Variants in FGD4 observed in about 807,000 individuals in gnomAD.
FGD4 encodes FYVE, RhoGEF and PH domain-containing protein 4.
In FGD4, 42 loss-of-function variants were observed where a neutral mutation model predicts 102.0. The ratio of observed to expected loss-of-function variants is 0.41; its 90% CI spans 0.32 to 0.53. FGD4 has a LOEUF of 0.53. Among genes scored for constraint, FGD4 ranks in the 20% least tolerant of loss-of-function variants. The pLI is 0.21. For synonymous variants in FGD4, 380 were observed against 375.7 expected, an observed-to-expected ratio of 1.01 and a Z score of -0.13; for missense variants, 902 against 1,078.2, an observed-to-expected ratio of 0.84 and a Z score of 2.29.
chr12:32,566,814 C>T (rs960101118), intron 2 of FGD4, among the ~76,000 whole-genome samples: 1 of 152,204 alleles, frequency 6.6e-6, no homozygotes, highest in Non-Finnish European at 1.5e-5. Flanking sequence ...ACCCCCGACA[C>T]CTTTGTTCCT....
chr12:32,402,401 A>AAGAGAGGGAGAGGGAGAGAGAGAG (rs1319820242), intron 1 of FGD4, among the ~76,000 whole-genome samples: 1 of 151,740 alleles, frequency 6.6e-6, no homozygotes, highest in Non-Finnish European at 1.5e-5. Context: ...CTGTCTCAAA[A>AAGAGAGGGAGAGGGAGAGAGAGAG]AGAGAGGGAG....
intron 11 of FGD4, among the ~76,000 whole-genome samples, chr12:32,622,322 A>C (rs1237906571): frequency 6.6e-6 from 1 of 152,214 alleles, no homozygotes; most frequent in African/African-American, 2.4e-5. Context: ...CAGGTTTCTT[A>C]GTTTGCCTGA....
chr12:32,456,056 T>C (rs1346364614), intron 1 of FGD4, among the ~76,000 whole-genome samples: 1 of 152,194 alleles, frequency 6.6e-6, no homozygotes, highest in Admixed American at 6.5e-5. Flanking sequence ...CCTGCAAGCA[T>C]TACTGTCATT....
rs944572306 is a variant in FGD4, at chr12:32,399,633, C to T, written c.-161C>T. The T allele has an allele frequency of 2.4e-5, 33 of 1,403,760 alleles. No homozygotes were observed. The East Asian group carries it at 9.5e-4, about 40-fold the overall frequency. 87.0% of individuals were successfully genotyped at this position (1,403,760 alleles called of 1,614,324 possible). On this transcript the variant is annotated 5_prime_UTR_variant, in exon 1 of 17. Coordinates refer to ENST00000534526, the MANE Select transcript of FGD4 (RefSeq NM_001370298.3). ...GCCGCGACGCCGGGAGGGAGCGTAC[C>T]GGGAAGGAGAGGGAGAGGAGGCACT... is the stretch of plus-strand genomic sequence containing the variant.
At chr12:32,404,703 T>C (rs1349972323) in intron 1 of FGD4, among the ~76,000 whole-genome samples, 1 of 152,136 alleles carries the variant, frequency 6.6e-6, no homozygotes, top group East Asian at 1.9e-4. Flanking sequence ...TAATGTTATT[T>C]GTAACATTAA....
intron 2 of FGD4, 100 bp downstream of exon 2, chr12:32,564,389 A>G: frequency 7.1e-7 from 1 of 1,405,356 alleles, no homozygotes; most frequent in Non-Finnish European, 9.4e-7. Flanking sequence ...TTAAGCTAGA[A>G]GGAAGGAATT....
intron 1 of FGD4, among the ~76,000 whole-genome samples, chr12:32,449,742 T>A (rs936054198): frequency 1.3e-5 from 2 of 152,000 alleles, no homozygotes; most frequent in Non-Finnish European, 2.9e-5. Flanking sequence ...GTTTCATTTC[T>A]TTTCTTTTCT....
intron 1 of FGD4, among the ~76,000 whole-genome samples, chr12:32,439,248 A>G (rs1353280941): frequency 6.6e-6 from 1 of 152,226 alleles, no homozygotes; most frequent in African/African-American, 2.4e-5. Context: ...CTGGCTTATA[A>G]CATAATGCTG....
At chr12:32,600,592 C>CTTTTTTTTTTT (rs1181093585) in intron 5 of FGD4, 51 of 200,800 alleles carry the variant, frequency 2.5e-4, no homozygotes, top group Non-Finnish European at 3.2e-4. Context: ...TTCTTTCTTT[C>CTTTTTTTTTTT]TTTTTTTTTT....
intron 1 of FGD4, among the ~76,000 whole-genome samples, chr12:32,402,368 A>C (rs897810810): frequency 3.3e-5 from 5 of 151,596 alleles, no homozygotes; most frequent in Admixed American, 3.3e-4. Context: ...ACTGTATTCC[A>C]GCCTGGGCAA....
intron 1 of FGD4, among the ~76,000 whole-genome samples, chr12:32,537,879 A>G (rs906111484): frequency 1.3e-5 from 2 of 152,036 alleles, no homozygotes; most frequent in African/African-American, 4.8e-5. Flanking sequence ...TACTTTCGTT[A>G]TAGCAGTTTT....
chr12:32,642,582 C>T lies in FGD4; in HGVS notation c.*2049C>T, dbSNP rs1210013384. ...ACATGGACACACTTAAGTTTTGGCT[C>T]AATAAATATCAATGTTATTTAACTT... On this transcript the variant is annotated 3_prime_UTR_variant, in exon 17 of 17. Transcript: ENST00000534526. 2 of 151,996 alleles carry T rather than the reference C, an allele frequency of 1.3e-5. No individual in the cohort carries two copies. The highest frequency in any genetic ancestry group is 2.9e-5 in the Non-Finnish European group (2 of 67,924). The allele number at this position is 151,996 out of a possible 1,614,324, so 9.4% of individuals were successfully genotyped here.
intron 1 of FGD4, among the ~76,000 whole-genome samples, chr12:32,559,794 G>A (rs1332239909): frequency 2.0e-5 from 3 of 152,122 alleles, no homozygotes; most frequent in African/African-American, 7.2e-5. Context: ...TAAATAGACT[G>A]TCAAACATTT....
chr12:32,519,122 A>AGG (rs1565795239), intron 1 of FGD4, among the ~76,000 whole-genome samples: 4 of 146,938 alleles, frequency 2.7e-5, no homozygotes, highest in Non-Finnish European at 6.0e-5. Flanking sequence ...GTCTCAGGAA[A>AGG]AAAAAAAAAA....
At chr12:32,400,273 T>C (rs1940600215) in intron 1 of FGD4, among the ~76,000 whole-genome samples, 1 of 152,232 alleles carries the variant, frequency 6.6e-6, no homozygotes, top group African/African-American at 2.4e-5. Context: ...ACCAGTTTTC[T>C]AGCTACTGAA....
At chr12:32,514,762 A>G (rs573247795) in intron 1 of FGD4, among the ~76,000 whole-genome samples, 65 of 152,330 alleles carry the variant, frequency 4.3e-4, no homozygotes, top group African/African-American at 1.4e-3. Context: ...TAAAGTTGAC[A>G]TCTCAAATCA....
At chr12:32,500,924 G>A (rs868594139) in intron 1 of FGD4, among the ~76,000 whole-genome samples, 7 of 152,192 alleles carry the variant, frequency 4.6e-5, no homozygotes, top group African/African-American at 1.7e-4. Flanking sequence ...GTTGACACAG[G>A]GTTCACAGTG....
At chr12:32,629,272 G>A (rs1412204177) in intron 14 of FGD4, among the ~76,000 whole-genome samples, 1 of 152,136 alleles carries the variant, frequency 6.6e-6, no homozygotes, top group East Asian at 1.9e-4. Context: ...GTTAAGATTT[G>A]GGTGACTGGG....
intron 10 of FGD4, among the ~76,000 whole-genome samples, chr12:32,615,660 G>T (rs1949407919): frequency 6.6e-6 from 1 of 151,894 alleles, no homozygotes; most frequent in South Asian, 2.1e-4. Flanking sequence ...TGGGGTGGGG[G>T]TGTGGCATAT....
Sources: gnomAD v4.1 joint callset for allele counts (sites outside exome capture counted in the v4.1 genomes callset) on GRCh38, gnomAD v4.1.1 for gene constraint, MANE v1.5 for transcripts, NCBI Gene and HGNC (gene_info 2026-07-23, HGNC 2026-07-21) for gene names.